The following PHACTR1 variants were observed in gnomAD, a reference collection of about 807,000 sequenced individuals.
PHACTR1 encodes RPEL repeat containing 1.
Under a neutral mutation model 69.2 loss-of-function variants are expected in PHACTR1, and 16 were observed. The observed-to-expected ratio is 0.23, with a 90% CI of 0.16 to 0.35. The LOEUF (loss-of-function observed/expected upper bound fraction) is 0.35, where lower values mean the gene tolerates loss of function less well. Among genes scored for constraint, PHACTR1 ranks in the 10% least tolerant of loss-of-function variants. The pLI, the probability that PHACTR1 is intolerant of heterozygous loss-of-function variation, is 1.00. For synonymous variants in PHACTR1, 312 were observed against 284.5 expected (o/e 1.10, Z -0.97); for missense variants, 510 against 734.7 (o/e 0.69, Z 3.54).
intron 4 of PHACTR1, among the ~76,000 whole-genome samples, chr6:12,792,325 G>A (rs1414049158): frequency 4.6e-5 from 7 of 151,690 alleles, no homozygotes; most frequent in African/African-American, 1.2e-4. Flanking sequence ...TTAGCCGGGC[G>A]TGGTGGTACA....
At chr6:13,272,939 T>A (rs568292379) in intron 11 of PHACTR1, 24 bp downstream of exon 11, 1 of 1,612,302 alleles carries the variant, frequency 6.2e-7, no homozygotes. Context: ...CCCATGGCAA[T>A]CCCTGATGTT....
chr6:13,174,771 C>G (rs1459546966), intron 6 of PHACTR1, among the ~76,000 whole-genome samples: 1 of 152,092 alleles, frequency 6.6e-6, no homozygotes, highest in Non-Finnish European at 1.5e-5. Flanking sequence ...ACTAGCTCAG[C>G]ATCTACTGAG....
At chr6:12,843,420 C>T (rs1013874138) in intron 4 of PHACTR1, among the ~76,000 whole-genome samples, 2 of 151,950 alleles carry the variant, frequency 1.3e-5, no homozygotes, top group South Asian at 4.2e-4. Context: ...GGTGGCAGGT[C>T]GGGAGAGCAG....
rs146454871 is a variant in PHACTR1 at position 13,151,220 on chromosome 6, T to G, written c.416-8984T>G. Among the ~76,000 whole-genome samples, 8 of 152,320 alleles carry G rather than the reference T, an allele frequency of 5.3e-5. No individual in the cohort carries two copies. In the East Asian group the frequency reaches 1.5e-3, roughly 29 times the overall value. On this transcript the variant is annotated intron_variant, in intron 5 of 14. Transcript: ENST00000332995. ...CTTTCTATTCCCTTCAGAATGTAAT[T>G]TAAAGGCAGTTGAGCAGAGAATTCA...
intron 3 of PHACTR1, among the ~76,000 whole-genome samples, chr6:12,744,197 T>C (rs903098405): frequency 1.3e-5 from 2 of 152,240 alleles, no homozygotes; most frequent in African/African-American, 2.4e-5. Context: ...GGGCTTTTAT[T>C]GGCTCTATAA....
intron 5 of PHACTR1, among the ~76,000 whole-genome samples, chr6:13,143,772 G>A (rs891045843): frequency 2.0e-5 from 3 of 151,822 alleles, no homozygotes; most frequent in Non-Finnish European, 4.4e-5. Flanking sequence ...AAAATTACAG[G>A]CCAATATCTC....
intron 4 of PHACTR1, among the ~76,000 whole-genome samples, chr6:12,792,634 T>C (rs1772471061): frequency 6.6e-6 from 1 of 152,082 alleles, no homozygotes; most frequent in African/African-American, 2.4e-5. Context: ...TCAGTGCTAT[T>C]TGTGTCTTAG....
chr6:13,196,474 G>A (rs1150599), intron 7 of PHACTR1: 18,570 of 176,976 alleles, frequency 0.1, 2,268 homozygotes, highest in East Asian at 0.56. Context: ...ACGGTGGAGC[G>A]CAGTGGTACA....
At chr6:12,977,839 T>G (rs1279621766) in intron 4 of PHACTR1, among the ~76,000 whole-genome samples, 5 of 152,208 alleles carry the variant, frequency 3.3e-5, no homozygotes, top group Admixed American at 3.3e-4. Flanking sequence ...AATGTCTTTG[T>G]CATTTAACAT....
chr6:12,870,749 C>T (rs1396688261), intron 4 of PHACTR1, among the ~76,000 whole-genome samples: 1 of 152,192 alleles, frequency 6.6e-6, no homozygotes, highest in East Asian at 1.9e-4. Flanking sequence ...CTCATACTTC[C>T]ATTTCCAGCT....
chr6:12,991,932 G>A (rs963774561), intron 4 of PHACTR1, among the ~76,000 whole-genome samples: 3 of 150,730 alleles, frequency 2.0e-5, no homozygotes, highest in Non-Finnish European at 3.0e-5. Context: ...ACATAAGTAT[G>A]TTTCTGTGTC....
At chr6:12,778,966 C>T (rs1242061846) in intron 4 of PHACTR1, among the ~76,000 whole-genome samples, 2 of 152,224 alleles carry the variant, frequency 1.3e-5, no homozygotes, top group Non-Finnish European at 1.5e-5. Flanking sequence ...GATTTCAGCC[C>T]TACTTGCCCT....
intron 7 of PHACTR1, among the ~76,000 whole-genome samples, chr6:13,203,583 A>G (rs1271662515): frequency 1.3e-5 from 2 of 152,274 alleles, no homozygotes; most frequent in African/African-American, 2.4e-5. Context: ...CTCTTTCCAC[A>G]GAGTGGGAAG....
intron 11 of PHACTR1, 159 bp downstream of exon 11, chr6:13,273,074 C>A: frequency 9.0e-7 from 1 of 1,114,306 alleles, no homozygotes. Flanking sequence ...ACACCAAAGA[C>A]GACCTCCCCA....
intron 5 of PHACTR1, among the ~76,000 whole-genome samples, chr6:13,154,657 T>C (rs1049133486): frequency 6.6e-6 from 1 of 152,104 alleles, no homozygotes; most frequent in Non-Finnish European, 1.5e-5. Context: ...TTTCATTTTC[T>C]ACCTCCCAAA....
chr6:12,825,057 T>C lies in PHACTR1; in HGVS notation c.250+75267T>C, dbSNP rs141020055. 1.6e-3 allele frequency among the ~76,000 whole-genome samples: 241 copies of C among 152,300 alleles called. 1 individual carries two copies. The highest frequency in any genetic ancestry group is 2.6e-3 in the Non-Finnish European group (176 of 68,024). ...ACTTTGAGGGGCCAAGGCAGGAGGA[T>C]AACTTGAGGTCAGAAGTTTGAGACC... On this transcript the variant is annotated intron_variant, in intron 4 of 14. Coordinates refer to ENST00000332995, the MANE Select transcript of PHACTR1 (RefSeq NM_030948.6).
chr6:13,133,352 C>T lies in PHACTR1; in HGVS notation c.416-26852C>T, dbSNP rs187310754. Reference sequence around the variant, plus strand: ...TCTCCCTCTGATGCCAAACGGAGGCCGGACTGTAATGCCGCCATCTCGGCT... The same window carrying T: ...TCTCCCTCTGATGCCAAACGGAGGCTGGACTGTAATGCCGCCATCTCGGCT... On this transcript the variant is annotated intron_variant, in intron 5 of 14. Transcript: ENST00000332995. Among the ~76,000 whole-genome samples, 1,158 of 151,312 alleles carry T rather than the reference C, an allele frequency of 7.7e-3. 20 individuals are homozygous for T. Among genetic ancestry groups the T allele is most frequent in the African/African-American group, 0.026 (1,082 of 41,182 alleles).
At chr6:12,724,131 C>T (rs1486313788) in intron 3 of PHACTR1, among the ~76,000 whole-genome samples, 1 of 152,004 alleles carries the variant, frequency 6.6e-6, no homozygotes, top group Non-Finnish European at 1.5e-5. Flanking sequence ...AGTTCGAGAC[C>T]AATCTAGCCA....
chr6:13,179,727 GA>G lies in PHACTR1; in HGVS notation c.497-2791del, dbSNP rs1761937438. Among the ~76,000 whole-genome samples the G allele has an allele frequency of 6.7e-6, 1 of 149,034 alleles. No homozygotes were observed. The highest frequency in any genetic ancestry group is 1.5e-5 in the Non-Finnish European group (1 of 67,906). ...AGATAGATAGATAGATAGATAGATAGATAGATAGATAGATAGATAGACAGAA... is the reference window on the plus strand; with the variant it reads ...AGATAGATAGATAGATAGATAGATAGTAGATAGATAGATAGATAGACAGAA... On this transcript the variant is annotated intron_variant, in intron 6 of 14. Transcript: ENST00000332995. This position sits in a 1 kb window ranked among gnomAD's most constrained non-coding sequence, Gnocchi z 4.2.
Sources: gnomAD v4.1 joint callset for allele counts (sites outside exome capture counted in the v4.1 genomes callset) on GRCh38, gnomAD v4.1.1 for gene constraint, Gnocchi (gnomAD v3.1) non-coding constraint, MANE v1.5 for transcripts, NCBI Gene and HGNC (gene_info 2026-07-23, HGNC 2026-07-21) for gene names.